MCTP2: variants seen among roughly 807,000 people sequenced by gnomAD.
MCTP2 encodes the protein multiple C2 and transmembrane domain-containing protein 2.
In MCTP2, 132 loss-of-function variants were observed where a neutral mutation model predicts 111.6. The ratio of observed to expected loss-of-function variants is 1.18; its 90% confidence interval spans 1.03 to 1.37. The LOEUF (loss-of-function observed/expected upper bound fraction) is 1.37, where lower values mean the gene tolerates loss of function less well. Among genes scored for constraint, MCTP2 ranks in the 40% most tolerant of loss-of-function variants. The probability of loss-of-function intolerance (pLI) is 0.00; values close to 1 mark genes in which losing one functional copy is unlikely to be tolerated. For synonymous variants in MCTP2, 395 were observed against 387.7 expected (o/e 1.02, Z -0.22); for missense variants, 1,183 against 1,067.9 (o/e 1.11, Z -1.50).
chr15:94,294,217 C>T (rs1207048572), intron 1 of MCTP2, among the ~76,000 whole-genome samples: 1 of 152,170 alleles, frequency 6.6e-6, no homozygotes, highest in Non-Finnish European at 1.5e-5. Context: ...AAGTGGGGGC[C>T]TGGGAGCGCG....
intron 12 of MCTP2, among the ~76,000 whole-genome samples, chr15:94,372,493 A>T (rs1053730872): frequency 2.0e-5 from 3 of 152,218 alleles, no homozygotes; most frequent in African/African-American, 7.2e-5. Context: ...TGAGGTAGCA[A>T]TGAATACCTC....
intron 21 of MCTP2, among the ~76,000 whole-genome samples, chr15:94,472,920 A>T (rs975414079): frequency 6.6e-6 from 1 of 152,222 alleles, no homozygotes; most frequent in African/African-American, 2.4e-5. Flanking sequence ...TTTCTCACAA[A>T]GGAGATAAAT....
chr15:94,383,603 T>A (rs552864817), intron 12 of MCTP2, among the ~76,000 whole-genome samples: 1 of 152,132 alleles, frequency 6.6e-6, no homozygotes, highest in Non-Finnish European at 1.5e-5. Flanking sequence ...CAAAAGAGAA[T>A]GAGAGCCAAG....
intron 10 of MCTP2, among the ~76,000 whole-genome samples, chr15:94,361,018 G>A (rs1014580292): frequency 2.9e-5 from 4 of 139,892 alleles, no homozygotes; most frequent in African/African-American, 1.1e-4. Context: ...GATTGTGCTA[G>A]CATATGTACA....
chr15:94,256,535 T>G (rs1446759956), intron 1 of MCTP2, among the ~76,000 whole-genome samples: 1 of 152,198 alleles, frequency 6.6e-6, no homozygotes, highest in Non-Finnish European at 1.5e-5. Flanking sequence ...TCTCAGTACA[T>G]AGCTGCAAAA....
intron 1 of MCTP2, among the ~76,000 whole-genome samples, chr15:94,232,992 T>C (rs1365891058): frequency 8.5e-5 from 13 of 152,210 alleles, no homozygotes; most frequent in Non-Finnish European, 1.6e-4. Context: ...CAGTAATTTG[T>C]ACAAGGTCAG....
Position 94,243,743 on chromosome 15 carries a change from A to G in MCTP2, c.-66+12079A>G, listed in dbSNP as rs1006547917. ...TACACATACATATGTGTATACATATATGTATACACATGCATATGTGTATAT... is the reference window on the plus strand; with the variant it reads ...TACACATACATATGTGTATACATATGTGTATACACATGCATATGTGTATAT... On this transcript the variant is annotated intron_variant, in intron 1 of 22. Transcript: ENST00000357742. Among the ~76,000 whole-genome samples, 7 of 148,150 alleles carry G rather than the reference A, an allele frequency of 4.7e-5. No individual in the cohort carries two copies. In the South Asian group the frequency reaches 1.1e-3, roughly 22 times the overall value.
intron 7 of MCTP2, chr15:94,343,240 G>A (rs1221194685): frequency 1.3e-5 from 2 of 152,096 alleles, no homozygotes; most frequent in African/African-American, 4.8e-5. Context: ...TAGATTATCA[G>A]AATCTTTGTT....
At position 94,315,437 on chromosome 15, in the gene MCTP2, T is replaced by C. The variant is rs558081804; in HGVS notation, c.529-92T>C. 2.4e-5 allele frequency: 21 copies of C among 886,842 alleles called. No homozygotes were observed. In the East Asian group the frequency reaches 4.0e-4, roughly 17 times the overall value. 54.9% of individuals were successfully genotyped at this position (886,842 alleles called of 1,614,324 possible). A position where few individuals can be genotyped will look rare whatever the true frequency, so the allele number is the denominator to read the frequency against. On this transcript the variant is annotated intron_variant, in intron 3 of 22. Coordinates refer to ENST00000357742, the MANE Select transcript of MCTP2 (RefSeq NM_001385001.1). The stretch of plus-strand genomic sequence containing the variant: ...GACAGTCGATCATCATAGTGGCCTT[T>C]CTTTTTTCCCTCCAAAATCGAGAAG...
rs146714767 is a variant in MCTP2, at chr15:94,481,207, C to T, written c.*2173C>T. 3.8e-4 allele frequency: 58 copies of T among 151,842 alleles called. No homozygotes were observed. The highest frequency in any genetic ancestry group is 1.3e-3 in the African/African-American group (54 of 41,378). 9.4% of individuals were successfully genotyped at this position (151,842 alleles called of 1,614,324 possible). A position where few individuals can be genotyped will look rare whatever the true frequency, so the allele number is the denominator to read the frequency against. On this transcript the variant is annotated 3_prime_UTR_variant, in exon 23 of 23. Coordinates refer to ENST00000357742, the MANE Select transcript of MCTP2 (RefSeq NM_001385001.1). ...CAAACTTTATCTTCCCATTTCTAGCCCTGTCTCTCTATCTTACAGGCATCT... is the reference window on the plus strand; with the variant it reads ...CAAACTTTATCTTCCCATTTCTAGCTCTGTCTCTCTATCTTACAGGCATCT...
Position 94,401,886 on chromosome 15 carries a change from T to C in MCTP2, c.1966-14T>C, listed in dbSNP as rs2081611080. The C allele has an allele frequency of 6.3e-7, 1 of 1,594,408 alleles. No homozygotes were observed. Among genetic ancestry groups the C allele is most frequent in the South Asian group, 1.2e-5 (1 of 86,922 alleles). ...TTTAAATCTAGTTTCCTGTTTGTCATTTTTTAAAATCAGATCTTATCAAGA... is the reference window on the plus strand; with the variant it reads ...TTTAAATCTAGTTTCCTGTTTGTCACTTTTTAAAATCAGATCTTATCAAGA... On this transcript the variant is annotated splice_polypyrimidine_tract_variant and intron_variant, in intron 16 of 22. Transcript: ENST00000357742.
intron 19 of MCTP2, among the ~76,000 whole-genome samples, chr15:94,450,627 T>C (rs540761999): frequency 1.8e-4 from 28 of 152,180 alleles, no homozygotes; most frequent in Non-Finnish European, 2.9e-4. Flanking sequence ...AGACCAAACA[T>C]ATTCTTATTT....
intron 1 of MCTP2, among the ~76,000 whole-genome samples, chr15:94,242,646 G>C (rs1335955318): frequency 6.6e-6 from 1 of 151,824 alleles, no homozygotes; most frequent in Admixed American, 6.6e-5. Flanking sequence ...CCCAACTTGA[G>C]GCTGTTATTT....
chr15:94,413,238 AT>A (rs1317637971), intron 17 of MCTP2, among the ~76,000 whole-genome samples: 1 of 152,188 alleles, frequency 6.6e-6, no homozygotes, highest in Non-Finnish European at 1.5e-5. Context: ...TTTATTTTTA[AT>A]TTGATACAAT....
chr15:94,371,326 C>T (rs1175703763), intron 12 of MCTP2, among the ~76,000 whole-genome samples: 1 of 152,086 alleles, frequency 6.6e-6, no homozygotes, highest in African/African-American at 2.4e-5. Flanking sequence ...TTTGTAATCT[C>T]ATGTTAATTA....
Position 94,361,084 on chromosome 15 carries a change from GTTTTTTTTTTTTTT to G in MCTP2, c.1301+2492_1301+2505del, listed in dbSNP as rs67774490. ...CCTGGCTATTGTTTAAATATTTCAA[GTTTTTTTTTTTTTT>G]TTTTTTTTTTTTTTTTTTTAACACA... On this transcript the variant is annotated intron_variant, in intron 10 of 22. Coordinates refer to ENST00000357742, the MANE Select transcript of MCTP2 (RefSeq NM_001385001.1). 6.4e-3 allele frequency among the ~76,000 whole-genome samples: 54 copies of G among 8,432 alleles called. 1 individual carries two copies. Among genetic ancestry groups the G allele is most frequent in the Admixed American group, 0.019 (8 of 428 alleles). The allele number at this position is 8,432 out of a possible 152,430, so 5.5% of individuals were successfully genotyped here.
intron 4 of MCTP2, among the ~76,000 whole-genome samples, chr15:94,319,321 G>A (rs565944796): frequency 6.6e-5 from 10 of 152,186 alleles, no homozygotes; most frequent in South Asian, 2.1e-4. Flanking sequence ...TAGGTACAGC[G>A]TCACTTTTCA....
chr15:94,452,373 C>G (rs763107705), intron 19 of MCTP2, among the ~76,000 whole-genome samples: 1 of 151,950 alleles, frequency 6.6e-6, no homozygotes, highest in African/African-American at 2.4e-5. Context: ...GAACAAAGAC[C>G]GTAGTCAGCA....
rs2081495255 is a variant in MCTP2 at position 94,400,146 on chromosome 15, C to T, written c.1965+151C>T. On this transcript the variant is annotated intron_variant, in intron 16 of 22. Coordinates refer to ENST00000357742, the MANE Select transcript of MCTP2 (RefSeq NM_001385001.1). ...TGCCCCATCTCTCCACTTATTTCTC[C>T]TTGTCCCCTTCTCTCCTAAAATAAG... 9 of 639,996 alleles carry T rather than the reference C, an allele frequency of 1.4e-5. No homozygotes were observed. In the Middle Eastern group the frequency reaches 3.7e-3, roughly 266 times the overall value. 39.6% of individuals were successfully genotyped at this position (639,996 alleles called of 1,614,324 possible).
Sources: allele counts gnomAD v4.1 joint callset (sites outside exome capture counted in the v4.1 genomes callset), GRCh38; gene constraint gnomAD v4.1.1; transcripts MANE v1.5; gene names NCBI Gene and HGNC (gene_info 2026-07-23, HGNC 2026-07-21).